Variants in RAPGEF5 observed in about 807,000 individuals in gnomAD.
RAPGEF5 encodes the protein Rap guanine nucleotide exchange factor 5, also known as M-Ras-regulated GEF.
Under a neutral mutation model 125.2 loss-of-function variants are expected in RAPGEF5, and 65 were observed. The observed-to-expected ratio is 0.52, with a 90% CI of 0.43 to 0.64. RAPGEF5 has a LOEUF of 0.64. Ranked by LOEUF, RAPGEF5 falls within the 30% of genes least tolerant of loss-of-function variation. The pLI is 0.00. For missense variants in RAPGEF5, 958 were observed against 1,048.1 expected, an observed-to-expected ratio of 0.91 and a Z score of 1.19; for synonymous variants, 391 against 385.9, an observed-to-expected ratio of 1.01 and a Z score of -0.16.
chr7:22,215,009 C>T (rs1785601832), intron 9 of RAPGEF5, among the ~76,000 whole-genome samples: 1 of 152,144 alleles, frequency 6.6e-6, no homozygotes, highest in Non-Finnish European at 1.5e-5. Context: ...AGTTAGAACC[C>T]CACCTAACAA....
chr7:22,212,220 G>A (rs191974117), intron 9 of RAPGEF5, among the ~76,000 whole-genome samples: 167 of 152,136 alleles, frequency 1.1e-3, no homozygotes, highest in Non-Finnish European at 1.1e-3. Context: ...TAATCCACCC[G>A]CCTTGGCCTC....
intron 19 of RAPGEF5, 60 bp from the exon 20 acceptor site, chr7:22,145,282 C>T: frequency 1.3e-6 from 2 of 1,491,520 alleles, no homozygotes; most frequent in Admixed American, 2.2e-5. Context: ...TGATACAAAA[C>T]TCGGTCAAAT....
intron 11 of RAPGEF5, among the ~76,000 whole-genome samples, chr7:22,191,928 T>A (rs993345597): frequency 6.6e-6 from 1 of 152,236 alleles, no homozygotes; most frequent in Admixed American, 6.5e-5. Context: ...AGAACTGTAG[T>A]GTTATTAAGA....
At chr7:22,353,300 T>C (rs1270738331) in intron 1 of RAPGEF5, among the ~76,000 whole-genome samples, 1 of 152,222 alleles carries the variant, frequency 6.6e-6, no homozygotes, top group Admixed American at 6.5e-5. Context: ...GTGGACCTCA[T>C]TTAGCTCCTG....
intron 7 of RAPGEF5, among the ~76,000 whole-genome samples, chr7:22,258,886 T>A (rs541219655): frequency 3.2e-4 from 49 of 152,164 alleles, no homozygotes; most frequent in African/African-American, 1.1e-3. Context: ...CAGACCTACA[T>A]GTAAAATGTG....
At chr7:22,150,653 C>A in intron 17 of RAPGEF5, 149 bp from the exon 18 acceptor site, 1 of 1,152,728 alleles carries the variant, frequency 8.7e-7, no homozygotes, top group Non-Finnish European at 1.2e-6. Flanking sequence ...TTAAGTTCTG[C>A]ACACTCTATA....
intron 13 of RAPGEF5, among the ~76,000 whole-genome samples, chr7:22,161,909 T>C (rs1416767634): frequency 1.3e-5 from 2 of 152,232 alleles, no homozygotes; most frequent in African/African-American, 4.8e-5. Flanking sequence ...GTTGAAAAGA[T>C]ATTGAAGCCT....
intron 7 of RAPGEF5, among the ~76,000 whole-genome samples, chr7:22,233,729 C>T (rs1405691733): frequency 6.6e-6 from 1 of 152,138 alleles, no homozygotes; most frequent in Non-Finnish European, 1.5e-5. Flanking sequence ...AGGAATAATT[C>T]TTAATACATA....
chr7:22,296,869 TG>T (rs899748927), intron 5 of RAPGEF5, among the ~76,000 whole-genome samples: 1 of 152,202 alleles, frequency 6.6e-6, no homozygotes, highest in African/African-American at 2.4e-5. Flanking sequence ...GTGGAAAAAC[TG>T]CTTCCAGGAC....
chr7:22,165,203 A>T (rs1428166199), intron 12 of RAPGEF5, among the ~76,000 whole-genome samples: 1 of 152,170 alleles, frequency 6.6e-6, no homozygotes. Context: ...TGTCTTAGTC[A>T]AAGACTCAAA....
chr7:22,175,633 G>C (rs1399723668), intron 11 of RAPGEF5, among the ~76,000 whole-genome samples: 3 of 152,142 alleles, frequency 2.0e-5, no homozygotes, highest in African/African-American at 7.2e-5. Context: ...CGGAGTTGCT[G>C]CATGGTTGTC....
intron 7 of RAPGEF5, among the ~76,000 whole-genome samples, chr7:22,237,308 C>G (rs1786215574): frequency 6.6e-6 from 1 of 151,368 alleles, no homozygotes; most frequent in Non-Finnish European, 1.5e-5. Flanking sequence ...TTTTCATATT[C>G]CCAGTGAAAC....
At chr7:22,260,933 A>G (rs1235432198) in intron 7 of RAPGEF5, among the ~76,000 whole-genome samples, 1 of 152,228 alleles carries the variant, frequency 6.6e-6, no homozygotes, top group Non-Finnish European at 1.5e-5. Flanking sequence ...AAATCCAAGC[A>G]CAGCATATAT....
In RAPGEF5 at chr7:22,131,110, T is replaced by G. The variant is rs1321595014; in HGVS notation, c.2417-9A>C. ...ATGAATAAATGTTACATCTGAAAAT[T>G]AAAAACAAAAAGATGTATGTATCAT... is the stretch of plus-strand genomic sequence containing the variant. On this transcript the variant is annotated splice_polypyrimidine_tract_variant and intron_variant, in intron 23 of 25. Transcript: ENST00000665637. 3.0e-5 allele frequency: 46 copies of G among 1,527,130 alleles called. No individual in the cohort carries two copies. The highest frequency in any genetic ancestry group is 4.0e-5 in the Non-Finnish European group (46 of 1,137,606). The allele number at this position is 1,527,130 out of a possible 1,614,324, so 94.6% of individuals were successfully genotyped here.
intron 9 of RAPGEF5, among the ~76,000 whole-genome samples, chr7:22,202,354 A>G (rs1366534301): frequency 6.6e-6 from 1 of 152,208 alleles, no homozygotes; most frequent in African/African-American, 2.4e-5. Flanking sequence ...CTGAGAGGAC[A>G]TGGGTTACAG....
At chr7:22,147,336 G>A (rs573764588) in intron 18 of RAPGEF5, among the ~76,000 whole-genome samples, 5 of 152,238 alleles carry the variant, frequency 3.3e-5, no homozygotes, top group African/African-American at 1.2e-4. Context: ...CATAATGAAA[G>A]TGAAAGCCCC....
rs748234019 is a variant in RAPGEF5, at chr7:22,266,993, G to A, written c.767C>T (p.Ala256Val). Residue 256 changes from alanine (A) to valine (V), a missense_variant, in exon 7 of 26, where the codon GCT (alanine) becomes GTT (valine). Coordinates refer to ENST00000665637, the MANE Select transcript of RAPGEF5 (RefSeq NM_012294.5). ...LTSAVQRELA[A>V]VIALKARKSA... ...CTTCCTTGCTTTCAAAGCAATAACA[G>A]CTGCTAGCTCTCTCTGCACCTAATA... The A allele has an allele frequency of 6.2e-7, 1 of 1,610,692 alleles. No individual in the cohort carries two copies. The highest frequency in any genetic ancestry group is 8.5e-7 in the Non-Finnish European group (1 of 1,177,390).
chr7:22,339,948 C>G (rs1299911927), intron 1 of RAPGEF5, among the ~76,000 whole-genome samples: 2 of 152,148 alleles, frequency 1.3e-5, no homozygotes, highest in African/African-American at 4.8e-5. Flanking sequence ...GTTACTCAAG[C>G]CTTTGCAACA....
intron 15 of RAPGEF5, 68 bp downstream of exon 15, chr7:22,157,787 G>A (rs1783856309): frequency 6.0e-6 from 9 of 1,504,594 alleles, no homozygotes; most frequent in South Asian, 1.1e-5. Context: ...TATGAAACAC[G>A]CCAAGGGAGG....
Sources: allele counts gnomAD v4.1 joint callset (sites outside exome capture counted in the v4.1 genomes callset), GRCh38; gene constraint gnomAD v4.1.1; transcripts MANE v1.5; gene names NCBI Gene and HGNC (gene_info 2026-07-23, HGNC 2026-07-21).